The following COL22A1 variants were observed in gnomAD, a reference collection of about 807,000 sequenced individuals.
The protein encoded by COL22A1 is collagen type XXII alpha 1 chain.
In COL22A1, 221 loss-of-function variants were observed where a neutral mutation model predicts 248.9. The observed-to-expected ratio is 0.89, with a 90% confidence interval of 0.80 to 0.99. COL22A1 has a LOEUF of 0.99. COL22A1 is among the 50% of genes least tolerant of loss of function. COL22A1 has a pLI of 0.00. For synonymous variants in COL22A1, 891 were observed against 793.4 expected (o/e 1.12, Z -2.07); for missense variants, 2,240 against 2,179.0 (o/e 1.03, Z -0.56).
At chr8:138,671,549 G>A (rs11997487) in intron 41 of COL22A1, among the ~76,000 whole-genome samples, 9,438 of 152,290 alleles carry the variant, frequency 0.062, 712 homozygotes, top group African/African-American at 0.18. Context: ...AAATTGTGTT[G>A]CCAAAGTAGA....
chr8:138,806,153 G>GGCGTGTGTGTGATGGT, intron 10 of COL22A1, among the ~76,000 whole-genome samples: 1 of 109,068 alleles, frequency 9.2e-6, no homozygotes, highest in Non-Finnish European at 1.8e-5. Context: ...TGTGTGTGAT[G>GGCGTGTGTGTGATGGT]GTGTGTGTGT....
intron 43 of COL22A1, among the ~76,000 whole-genome samples, chr8:138,661,044 ACACACACACG>A (rs1587797239): frequency 2.0e-5 from 3 of 150,144 alleles, no homozygotes; most frequent in East Asian, 4.0e-4. Flanking sequence ...ATACAGACAC[ACACACACACG>A]CACACACACC....
chr8:138,779,511 G>T lies in COL22A1; in HGVS notation c.1702C>A (p.Arg568=), dbSNP rs139654575. 15 of 1,610,524 alleles carry T rather than the reference G, an allele frequency of 9.3e-6. No homozygotes were observed. The South Asian group carries it at 1.4e-4, about 15-fold the overall frequency. Residue 568 remains arginine, a splice_region_variant and synonymous_variant, in exon 14 of 65, where the codon CGG becomes AGG. Coordinates refer to ENST00000303045, the MANE Select transcript of COL22A1 (RefSeq NM_152888.3). ...EPGLPGEVGM[R]GPQGPPGLPG... is the part of the protein sequence containing the mutation. ...GCCCAGCTCACAGCAACACTCACCC[G>T]CATGCCGACCTCACCCGGCAGCCCC... is the stretch of plus-strand genomic sequence containing the variant.
chr8:138,865,714 AGTGTAT>A (rs2131980663), intron 3 of COL22A1, among the ~76,000 whole-genome samples: 1 of 103,702 alleles, frequency 9.6e-6, no homozygotes, highest in African/African-American at 4.1e-5. Context: ...CCTGTGTATG[AGTGTAT>A]GTGTGTGTGT....
At chr8:138,652,166 G>A (rs891261478) in intron 45 of COL22A1, among the ~76,000 whole-genome samples, 1 of 152,216 alleles carries the variant, frequency 6.6e-6, no homozygotes, top group Non-Finnish European at 1.5e-5. Flanking sequence ...CCAGCTCAGA[G>A]GGCAATTCAC....
intron 31 of COL22A1, 138 bp from the exon 32 acceptor site, chr8:138,700,282 A>G (rs1827848406): frequency 2.6e-6 from 2 of 769,924 alleles, no homozygotes; most frequent in Admixed American, 2.4e-5. Flanking sequence ...AGTTTTGACA[A>G]TTAGATTCAC....
rs527655031 is a variant in COL22A1 at position 138,906,145 on chromosome 8, C to T, written c.-73+7474G>A. On this transcript the variant is annotated intron_variant, in intron 1 of 64. Coordinates refer to ENST00000303045, the MANE Select transcript of COL22A1 (RefSeq NM_152888.3). ...CAGCACTTTGGGAGGCCGAGGCGGGCGGGTCACGAGGTCAGGAGATTGAGA... is the reference window on the plus strand; with the variant it reads ...CAGCACTTTGGGAGGCCGAGGCGGGTGGGTCACGAGGTCAGGAGATTGAGA... Among the ~76,000 whole-genome samples the T allele has an allele frequency of 3.9e-5, 6 of 152,184 alleles. No individual in the cohort carries two copies. In the South Asian group the frequency reaches 8.3e-4, roughly 21 times the overall value.
chr8:138,632,678 C>T (rs1223851302), intron 49 of COL22A1, among the ~76,000 whole-genome samples: 2 of 152,076 alleles, frequency 1.3e-5, no homozygotes, highest in African/African-American at 4.8e-5. Context: ...TGTAGAAGAC[C>T]TGTCTTATTT....
At chr8:138,753,044 C>T (rs1002741269) in intron 21 of COL22A1, among the ~76,000 whole-genome samples, 5 of 152,114 alleles carry the variant, frequency 3.3e-5, no homozygotes, top group South Asian at 2.1e-4. Flanking sequence ...AGGGGTGAAT[C>T]GAATGAGGAT....
At chr8:138,812,845 C>T in intron 8 of COL22A1, 94 bp downstream of exon 8, 1 of 982,796 alleles carries the variant, frequency 1.0e-6, no homozygotes, top group Non-Finnish European at 1.6e-6. Flanking sequence ...TCTCCCTGAC[C>T]ACCAACCACC....
Position 138,679,599 on chromosome 8 carries a change from G to A in COL22A1, c.3072+18C>T. ...TCCTTCTGTCTTTTTGCAAATGTTT[G>A]CATAGATCTTCACTGACCTTAACAC... On this transcript the variant is annotated intron_variant, in intron 40 of 64. Transcript: ENST00000303045. 1.9e-6 allele frequency: 3 copies of A among 1,611,006 alleles called. No individual in the cohort carries two copies. The highest frequency in any genetic ancestry group is 8.5e-7 in the Non-Finnish European group (1 of 1,177,336).
intron 43 of COL22A1, among the ~76,000 whole-genome samples, chr8:138,661,676 G>A (rs968836405): frequency 6.6e-6 from 1 of 152,238 alleles, no homozygotes; most frequent in Non-Finnish European, 1.5e-5. Flanking sequence ...CCATTCCAGG[G>A]AAGGGTCAGG....
At chr8:138,596,873 T>C (rs373729247) in intron 62 of COL22A1, 31 bp downstream of exon 62, 17 of 1,606,074 alleles carry the variant, frequency 1.1e-5, no homozygotes, top group Non-Finnish European at 1.4e-5. Context: ...GGCTCTTCTC[T>C]GCAAGACCGT....
chr8:138,701,461 C>T (rs1341119858), intron 31 of COL22A1, among the ~76,000 whole-genome samples: 1 of 152,158 alleles, frequency 6.6e-6, no homozygotes, highest in African/African-American at 2.4e-5. Flanking sequence ...ATATCTTGCC[C>T]TCCATGTCCC....
At chr8:138,745,949 C>T (rs989755585) in intron 22 of COL22A1, among the ~76,000 whole-genome samples, 5 of 152,206 alleles carry the variant, frequency 3.3e-5, no homozygotes, top group Non-Finnish European at 4.4e-5. Flanking sequence ...AAGAGAAATG[C>T]AGTCCTTCTC....
intron 45 of COL22A1, among the ~76,000 whole-genome samples, chr8:138,653,122 C>A (rs1417790248): frequency 6.6e-6 from 1 of 152,068 alleles, no homozygotes; most frequent in Non-Finnish European, 1.5e-5. Flanking sequence ...GTTTGAAGTA[C>A]CAAGTAAGCA....
intron 32 of COL22A1, among the ~76,000 whole-genome samples, chr8:138,696,249 C>T (rs190316589): frequency 2.6e-5 from 4 of 152,246 alleles, no homozygotes; most frequent in African/African-American, 9.6e-5. Context: ...TGTCCCAAAT[C>T]CCCACAGCCT....
intron 16 of COL22A1, among the ~76,000 whole-genome samples, chr8:138,774,914 T>C (rs1324128302): frequency 1.3e-5 from 2 of 152,160 alleles, no homozygotes; most frequent in Non-Finnish European, 2.9e-5. Context: ...GAATACAGGA[T>C]GATGTGGCTG....
intron 62 of COL22A1, among the ~76,000 whole-genome samples, chr8:138,594,627 A>G (rs1817372660): frequency 6.6e-6 from 1 of 152,144 alleles, no homozygotes; most frequent in Admixed American, 6.5e-5. Context: ...ACTGGGCTGG[A>G]ATGAGGATGG....
Sources: allele counts gnomAD v4.1 joint callset (sites outside exome capture counted in the v4.1 genomes callset), GRCh38; gene constraint gnomAD v4.1.1; transcripts MANE v1.5; gene names NCBI Gene and HGNC (gene_info 2026-07-23, HGNC 2026-07-21).